The following ALPK2 variants were observed in gnomAD, a reference collection of about 807,000 sequenced individuals.
The protein encoded by ALPK2 is alpha-protein kinase 2.
ALPK2 carries 127 observed loss-of-function variants against 163.1 expected under a neutral mutation model. The observed-to-expected ratio is 0.78, with a 90% CI of 0.67 to 0.90. The LOEUF is 0.90. ALPK2 is among the 40% of genes least tolerant of loss of function. The probability of loss-of-function intolerance (pLI) is 0.00; values close to 1 mark genes in which losing one functional copy is unlikely to be tolerated. For synonymous variants in ALPK2, 953 were observed against 959.1 expected (o/e 0.99, Z 0.12); for missense variants, 2,360 against 2,589.6 (o/e 0.91, Z 1.92).
chr18:58,628,422 T>C (rs1014893099), intron 1 of ALPK2, among the ~76,000 whole-genome samples: 9 of 152,234 alleles, frequency 5.9e-5, no homozygotes, highest in Admixed American at 4.6e-4. Context: ...AAACTTTACA[T>C]ATCACTCGTT....
At position 58,580,529 on chromosome 18, in the gene ALPK2, C is replaced by A; in HGVS notation, c.247G>T (p.Ala83Ser). 6.2e-7 allele frequency: 1 copy of A among 1,613,486 alleles called. No individual in the cohort carries two copies. The change falls in exon 4 of 13, where the codon GCT becomes TCT. Residue 83 changes from alanine to serine, a missense_variant. Coordinates refer to ENST00000361673, the MANE Select transcript of ALPK2 (RefSeq NM_052947.4). ...HLSCCTKNDA[A>S]VYQISAKNSF... Reference sequence around the variant, plus strand: ...TTTTTAGCCGAGATTTGATAGACAGCAGCATCATTTTTGGTACAGCTAGGA... The same window carrying A: ...TTTTTAGCCGAGATTTGATAGACAGAAGCATCATTTTTGGTACAGCTAGGA...
At chr18:58,607,074 C>T (rs1479125605) in intron 3 of ALPK2, among the ~76,000 whole-genome samples, 3 of 152,184 alleles carry the variant, frequency 2.0e-5, no homozygotes, top group Non-Finnish European at 4.4e-5. Flanking sequence ...GCTGGATCAC[C>T]TTGAACAAAA....
Position 58,534,941 on chromosome 18 carries a change from C to G in ALPK2, c.5246G>C (p.Arg1749Thr). The G allele has an allele frequency of 6.2e-7, 1 of 1,614,124 alleles. No homozygotes were observed. The highest frequency in any genetic ancestry group is 1.1e-5 in the South Asian group (1 of 91,074). The change falls in exon 5 of 13, where the codon AGA (arginine) becomes ACA (threonine). Residue 1749 changes from arginine (R) to threonine (T), a missense_variant. Arg to Thr is a moderately conservative substitution (Grantham distance 71). Transcript: ENST00000361673. ...RLKLEEKENI[R>T]KNSAFLKKMP... ...CTTTTTAAGAAAGGCTGAGTTCTTT[C>G]TGATATTTTCCTTTTCTTCCAGTTT...
chr18:58,617,698 G>C (rs2052177545), intron 1 of ALPK2, among the ~76,000 whole-genome samples: 1 of 151,998 alleles, frequency 6.6e-6, no homozygotes, highest in African/African-American at 2.4e-5. Context: ...TGATAATTTT[G>C]TTGTATGTAT....
chr18:58,611,633 A>C, intron 2 of ALPK2, 56 bp downstream of exon 2: 1 of 1,487,506 alleles, frequency 6.7e-7, no homozygotes, highest in Non-Finnish European at 9.2e-7. Flanking sequence ...GTGAGCCAAG[A>C]AACCTGGTAT....
At chr18:58,591,397 T>C (rs578243933) in intron 3 of ALPK2, among the ~76,000 whole-genome samples, 1 of 152,274 alleles carries the variant, frequency 6.6e-6, no homozygotes, top group South Asian at 2.1e-4. Context: ...GATAAAGATG[T>C]GAAATTCCTA....
intron 4 of ALPK2, among the ~76,000 whole-genome samples, chr18:58,551,127 A>AT (rs1250891975): frequency 2.0e-5 from 3 of 147,794 alleles, no homozygotes; most frequent in Non-Finnish European, 4.5e-5. Flanking sequence ...AAAAACCCAC[A>AT]TTTTTTTTCT....
intron 4 of ALPK2, among the ~76,000 whole-genome samples, chr18:58,543,782 G>A (rs1282921790): frequency 2.6e-5 from 4 of 152,166 alleles, no homozygotes; most frequent in African/African-American, 4.8e-5. Flanking sequence ...TGATGTTTGG[G>A]GATGAGAAGT....
intron 12 of ALPK2, among the ~76,000 whole-genome samples, chr18:58,484,693 G>A (rs1455088599): frequency 6.6e-5 from 10 of 152,138 alleles, no homozygotes; most frequent in African/African-American, 9.7e-5. Flanking sequence ...GCAGTGAGAC[G>A]AGATCGCGCC....
intron 10 of ALPK2, among the ~76,000 whole-genome samples, chr18:58,512,633 T>G (rs1161782328): frequency 6.6e-6 from 1 of 151,474 alleles, no homozygotes; most frequent in Non-Finnish European, 1.5e-5. Flanking sequence ...TTGTGTGATG[T>G]GTATACGTAT....
intron 4 of ALPK2, among the ~76,000 whole-genome samples, chr18:58,576,971 T>C (rs183285194): frequency 1.3e-5 from 2 of 152,342 alleles, no homozygotes; most frequent in East Asian, 3.9e-4. Context: ...TGTTCACGGT[T>C]CTGAGGTAAT....
intron 4 of ALPK2, among the ~76,000 whole-genome samples, chr18:58,558,424 A>T (rs2144173385): frequency 6.6e-6 from 1 of 152,332 alleles, no homozygotes; most frequent in Middle Eastern, 3.4e-3. Flanking sequence ...CTTTTTAAAA[A>T]TTTGGCTTCC....
intron 10 of ALPK2, chr18:58,511,538 T>G (rs919584885): frequency 6.6e-6 from 1 of 152,268 alleles, no homozygotes; most frequent in African/African-American, 2.4e-5. Flanking sequence ...CCACCCAGGC[T>G]GTGCCTTCTC....
intron 4 of ALPK2, among the ~76,000 whole-genome samples, chr18:58,553,161 A>G (rs765767503): frequency 3.3e-5 from 5 of 152,104 alleles, no homozygotes; most frequent in African/African-American, 1.2e-4. Context: ...TCCAGGGAAA[A>G]CCAATACTGC....
At chr18:58,588,784 T>C (rs1470270435) in intron 3 of ALPK2, among the ~76,000 whole-genome samples, 3 of 152,214 alleles carry the variant, frequency 2.0e-5, no homozygotes, top group Admixed American at 6.5e-5. Context: ...TTTATGGCTG[T>C]GTAGTATTCC....
At chr18:58,609,850 A>G (rs1050927893) in intron 2 of ALPK2, among the ~76,000 whole-genome samples, 3 of 152,166 alleles carry the variant, frequency 2.0e-5, no homozygotes, top group African/African-American at 7.2e-5. Flanking sequence ...CAAACACACG[A>G]GGGCTCTGCT....
At chr18:58,531,370 AC>A (rs1432878802) in intron 5 of ALPK2, among the ~76,000 whole-genome samples, 2 of 152,044 alleles carry the variant, frequency 1.3e-5, no homozygotes, top group African/African-American at 4.8e-5. Context: ...TGGGTAGGGC[AC>A]AGTCGAGATG....
intron 4 of ALPK2, among the ~76,000 whole-genome samples, chr18:58,549,770 G>T (rs1001236517): frequency 6.6e-6 from 1 of 152,178 alleles, no homozygotes; most frequent in Non-Finnish European, 1.5e-5. Flanking sequence ...TCTAGGGAAT[G>T]CTCACTTTCT....
chr18:58,557,095 C>A (rs531014600), intron 4 of ALPK2: 4 of 152,380 alleles, frequency 2.6e-5, no homozygotes, highest in African/African-American at 7.2e-5. Context: ...CAGTGGAGAC[C>A]GTCCAATGAG....
Sources: gnomAD v4.1 joint callset for allele counts (sites outside exome capture counted in the v4.1 genomes callset) on GRCh38, gnomAD v4.1.1 for gene constraint, MANE v1.5 for transcripts, NCBI Gene and HGNC (gene_info 2026-07-23, HGNC 2026-07-21) for gene names.